The following MYO1B variants were observed in gnomAD, a reference collection of about 807,000 sequenced individuals.
The protein encoded by MYO1B is unconventional myosin-Ib.
MYO1B carries 72 observed loss-of-function variants against 159.7 expected under a neutral mutation model. That is an observed-to-expected ratio of 0.45 (90% CI 0.37 to 0.55). The LOEUF (loss-of-function observed/expected upper bound fraction) is 0.55. MYO1B is among the 20% of genes least tolerant of loss of function. The pLI is 0.00. For missense variants in MYO1B, 1,062 were observed against 1,364.8 expected (o/e 0.78, Z 3.50); for synonymous variants, 468 against 473.8 (o/e 0.99, Z 0.16).
At chr2:191,345,076 A>G (rs1692481731) in intron 5 of MYO1B, among the ~76,000 whole-genome samples, 1 of 152,112 alleles carries the variant, frequency 6.6e-6, no homozygotes, top group Non-Finnish European at 1.5e-5. Context: ...AGACCTCTAG[A>G]GATTTGATGC....
chr2:191,368,838 G>C (rs1294532890), intron 11 of MYO1B, among the ~76,000 whole-genome samples: 1 of 152,088 alleles, frequency 6.6e-6, no homozygotes, highest in African/African-American at 2.4e-5. Flanking sequence ...GCCACGCGTG[G>C]TGGCACACAC....
At chr2:191,377,181 G>T (rs1330461544) in intron 13 of MYO1B, among the ~76,000 whole-genome samples, 2 of 152,170 alleles carry the variant, frequency 1.3e-5, no homozygotes, top group Non-Finnish European at 2.9e-5. Flanking sequence ...GGTAACTATA[G>T]TGTGAAATAG....
At position 191,416,210 on chromosome 2, in the gene MYO1B, C is replaced by A. The variant is rs1214983784; in HGVS notation, c.3255C>A (p.Thr1085=). The change falls in exon 30 of 31, where the codon ACC becomes ACA. Residue 1085 remains threonine, a synonymous_variant. Coordinates refer to ENST00000392318, the MANE Select transcript of MYO1B (RefSeq NM_001130158.3). ...TCTATCGCACAACTCTCAGCCAAAC[C>A]AAACAGAAGCTCAATATTGAGATTT... The part of the protein sequence containing the change: ...TKLYRTTLSQ[T]KQKLNIEISD... 3 of 1,614,024 alleles carry A rather than the reference C, an allele frequency of 1.9e-6. No homozygotes were observed. The African/African-American group carries it at 4.0e-5, about 22-fold the overall frequency.
At chr2:191,421,668 G>A (rs1436445063) in intron 30 of MYO1B, among the ~76,000 whole-genome samples, 1 of 152,100 alleles carries the variant, frequency 6.6e-6, no homozygotes, top group Non-Finnish European at 1.5e-5. Context: ...TAGAGACGTG[G>A]GTTTGCCATG....
At chr2:191,356,095 A>G (rs1273496720) in intron 7 of MYO1B, among the ~76,000 whole-genome samples, 1 of 152,084 alleles carries the variant, frequency 6.6e-6, no homozygotes, top group Non-Finnish European at 1.5e-5. Flanking sequence ...TTATTGATGG[A>G]AAGTCATCAA....
intron 20 of MYO1B, 43 bp from the exon 21 acceptor site, chr2:191,396,386 A>G (rs776203035): frequency 5.1e-5 from 81 of 1,590,808 alleles, no homozygotes; most frequent in Non-Finnish European, 6.6e-5. Context: ...TGCGTTACAG[A>G]TATTAACTAC....
intron 21 of MYO1B, 71 bp downstream of exon 21, chr2:191,396,568 G>A (rs938407959): frequency 6.7e-7 from 1 of 1,486,472 alleles, no homozygotes; most frequent in African/African-American, 1.4e-5. Context: ...ATGTCTTTAG[G>A]GTCACCCTGC....
At chr2:191,415,618 T>G (rs1697515464) in intron 29 of MYO1B, among the ~76,000 whole-genome samples, 1 of 151,862 alleles carries the variant, frequency 6.6e-6, no homozygotes, top group Non-Finnish European at 1.5e-5. Context: ...TTTTTTTGAA[T>G]AAACCCAGAT....
chr2:191,392,143 T>G lies in MYO1B; in HGVS notation c.2018T>G (p.Ile673Ser), dbSNP rs1695793524. The G allele has an allele frequency of 6.2e-7, 1 of 1,610,174 alleles. No homozygotes were observed. Among genetic ancestry groups the G allele is most frequent in the Non-Finnish European group, 8.5e-7 (1 of 1,177,198 alleles). ...GVEVLFNELE[I>S]PVEEYSFGRS... ...GAGGTCCTATTTAATGAATTAGAAA[T>G]TCCCGTGGAAGAATACTCCTTTGGT... The change falls in exon 19 of 31, where the codon ATT becomes AGT. Residue 673 changes from isoleucine (I) to serine (S), a missense_variant. Ile to Ser is a moderately radical substitution (Grantham distance 142). Coordinates refer to ENST00000392318, the MANE Select transcript of MYO1B (RefSeq NM_001130158.3).
intron 12 of MYO1B, 93 bp from the exon 13 acceptor site, chr2:191,370,134 T>C (rs1050306803): frequency 1.6e-5 from 13 of 809,450 alleles, no homozygotes; most frequent in Non-Finnish European, 2.6e-5. Flanking sequence ...TTAAGAAACA[T>C]AATTAATTTG....
intron 1 of MYO1B, among the ~76,000 whole-genome samples, chr2:191,270,747 G>A (rs1303071596): frequency 6.6e-6 from 1 of 152,116 alleles, no homozygotes. Context: ...ATGAAATCTT[G>A]CCACATTGGC....
At chr2:191,296,976 C>T (rs1689019920) in intron 3 of MYO1B, among the ~76,000 whole-genome samples, 1 of 152,130 alleles carries the variant, frequency 6.6e-6, no homozygotes, top group African/African-American at 2.4e-5. Flanking sequence ...TTTATTCCTC[C>T]AAATAAAAAT....
chr2:191,316,443 G>C (rs1424145486), intron 3 of MYO1B, among the ~76,000 whole-genome samples: 1 of 152,098 alleles, frequency 6.6e-6, no homozygotes, highest in Non-Finnish European at 1.5e-5. Context: ...AGGGATTGCT[G>C]TTTTCTCAAT....
chr2:191,392,145 C>T lies in MYO1B; in HGVS notation c.2020C>T (p.Pro674Ser), dbSNP rs757996419. 5.0e-6 allele frequency: 8 copies of T among 1,609,286 alleles called. No individual in the cohort carries two copies. The highest frequency in any genetic ancestry group is 6.8e-6 in the Non-Finnish European group (8 of 1,176,550). The change falls in exon 19 of 31, where the codon CCC (proline) becomes TCC (serine). Residue 674 changes from proline to serine, a missense_variant. Transcript: ENST00000392318. ...GGTCCTATTTAATGAATTAGAAATT[C>T]CCGTGGAAGAATACTCCTTTGGTAG... ...VEVLFNELEI[P>S]VEEYSFGRSK...
chr2:191,250,634 A>G (rs1393455531), intron 1 of MYO1B, among the ~76,000 whole-genome samples: 1 of 152,222 alleles, frequency 6.6e-6, no homozygotes, highest in African/African-American at 2.4e-5. Context: ...GCTACTGTTT[A>G]TTAAGTATTG....
At position 191,411,225 on chromosome 2, in the gene MYO1B, G is replaced by A. The variant is rs570841289; in HGVS notation, c.2873+53G>A. ...ATTCAGGATTATAAAAGTTTCTCAA[G>A]TATATTTGTACGCCGTTTTGCCTGG... On this transcript the variant is annotated intron_variant, in intron 27 of 30. Transcript: ENST00000392318. 1.9e-3 allele frequency: 2,304 copies of A among 1,204,300 alleles called. 4 individuals are homozygous for A. The highest frequency in any genetic ancestry group is 2.2e-3 in the Non-Finnish European group (1,895 of 844,854). The allele number at this position is 1,204,300 out of a possible 1,614,324, so 74.6% of individuals were successfully genotyped here. A position where few individuals can be genotyped will look rare whatever the true frequency, so the allele number is the denominator to read the frequency against.
At chr2:191,267,439 G>A (rs1054645753) in intron 1 of MYO1B, among the ~76,000 whole-genome samples, 6 of 152,186 alleles carry the variant, frequency 3.9e-5, no homozygotes, top group Admixed American at 1.3e-4. Flanking sequence ...GAAAGCTTTA[G>A]AGAAAATGAG....
chr2:191,304,909 C>T (rs1450055830), intron 3 of MYO1B, among the ~76,000 whole-genome samples: 2 of 152,140 alleles, frequency 1.3e-5, no homozygotes, highest in African/African-American at 4.8e-5. Flanking sequence ...CCTATGTTCA[C>T]ACCGGCATAC....
intron 24 of MYO1B, among the ~76,000 whole-genome samples, chr2:191,405,871 G>C (rs2126149342): frequency 6.6e-6 from 1 of 152,328 alleles, no homozygotes; most frequent in Middle Eastern, 3.4e-3. Context: ...ATGAGCATTA[G>C]CTCCAACTTA....
Sources: allele counts gnomAD v4.1 joint callset (sites outside exome capture counted in the v4.1 genomes callset), GRCh38; gene constraint gnomAD v4.1.1; transcripts MANE v1.5; gene names NCBI Gene and HGNC (gene_info 2026-07-23, HGNC 2026-07-21).